Variants in SYTL5 observed in about 807,000 individuals in gnomAD.
SYTL5 encodes the protein synaptotagmin like 5.
Under a neutral mutation model 55.9 loss-of-function variants are expected in SYTL5, and 34 were observed. The observed-to-expected ratio is 0.61, with a 90% CI of 0.46 to 0.81. SYTL5 has a LOEUF of 0.81. Ranked by LOEUF, SYTL5 falls within the 30% of genes least tolerant of loss-of-function variation. SYTL5 has a pLI of 0.00. For missense variants in SYTL5, 637 were observed against 546.7 expected (o/e 1.17, Z -1.65); for synonymous variants, 221 against 188.7 (o/e 1.17, Z -1.40).
upstream of SYTL5, among the ~76,000 whole-genome samples, chrX:38,003,080 A>G (rs1270602192): frequency 2.7e-5 from 3 of 111,796 alleles, no homozygotes; most frequent in South Asian, 1.1e-3. Context: ...TCAGCTTTCT[A>G]CATATGGCTA....
the SYTL5 span, among the ~76,000 whole-genome samples, chrX:37,957,739 T>G: frequency 8.9e-6 from 1 of 112,336 alleles, no homozygotes; most frequent in South Asian, 3.7e-4. Flanking sequence ...AACAAGATTG[T>G]TTTGGCTATT....
chrX:38,041,969 C>T (rs1935299825), intron 2 of SYTL5, among the ~76,000 whole-genome samples: 1 of 110,626 alleles, frequency 9.0e-6, no homozygotes, highest in South Asian at 3.8e-4. Flanking sequence ...TTTCCTTATG[C>T]TAGAAACATT....
chrX:38,113,409 G>A (rs1169285498), intron 13 of SYTL5, among the ~76,000 whole-genome samples: 2 of 111,863 alleles, frequency 1.8e-5, no homozygotes, highest in East Asian at 5.6e-4. Context: ...TAGATTAAAG[G>A]CTCTCTCTTT....
chrX:38,026,076 T>G (rs1602315868), intron 1 of SYTL5, among the ~76,000 whole-genome samples: 1 of 112,518 alleles, frequency 8.9e-6, no homozygotes, highest in Non-Finnish European at 1.9e-5. Context: ...TTTGAGTGAT[T>G]CGTGGCATGA....
At position 38,076,554 on chromosome X, in the gene SYTL5, T is replaced by C. The variant is rs1202695124; in HGVS notation, c.555-13T>C. 5.3e-6 allele frequency: 6 copies of C among 1,132,021 alleles called. No individual in the cohort carries two copies. Among genetic ancestry groups the C allele is most frequent in the African/African-American group, 3.7e-5 (2 of 54,179 alleles). 93.3% of individuals were successfully genotyped at this position (1,132,021 alleles called of 1,213,427 possible). ...TTTCTTATCTAATTTTAAATACATA[T>C]ATATAATTTCAGATTTCTTCTTAGC... is the stretch of plus-strand genomic sequence containing the variant. On this transcript the variant is annotated splice_polypyrimidine_tract_variant and intron_variant, in intron 5 of 16. Transcript: ENST00000297875.
intron 3 of SYTL5, among the ~76,000 whole-genome samples, chrX:38,066,971 G>A (rs1485484493): frequency 2.7e-5 from 3 of 111,523 alleles, no homozygotes; most frequent in Non-Finnish European, 5.7e-5. Context: ...AAAGTGACTA[G>A]CCTATTACTT....
At position 38,032,265 on chromosome X, in the gene SYTL5, C is replaced by T. The variant is rs906083843; in HGVS notation, c.-356-1269C>T. Among the ~76,000 whole-genome samples the T allele has an allele frequency of 5.4e-5, 6 of 111,454 alleles. No individual in the cohort carries two copies. The East Asian group carries it at 8.4e-4, about 16-fold the overall frequency. ...TAAGGGACAGTATCATGGGATGATG[C>T]CCAATCACAAAAATCAGGTAGATTA... On this transcript the variant is annotated intron_variant, in intron 1 of 16. Transcript: ENST00000297875.
At chrX:38,042,560 C>G (rs1274068588) in intron 2 of SYTL5, among the ~76,000 whole-genome samples, 2 of 111,814 alleles carry the variant, frequency 1.8e-5, no homozygotes, top group Non-Finnish European at 3.8e-5. Context: ...TCCCCATATT[C>G]CCATTTTACT....
At chrX:38,014,145 TG>T (rs1440087020) in intron 1 of SYTL5, among the ~76,000 whole-genome samples, 1 of 112,892 alleles carries the variant, frequency 8.9e-6, no homozygotes, top group African/African-American at 3.2e-5. Context: ...GCAGGAGTGC[TG>T]GGCACTGGTA....
intron 6 of SYTL5, among the ~76,000 whole-genome samples, chrX:38,080,621 C>T (rs1936506131): frequency 8.9e-6 from 1 of 111,871 alleles, no homozygotes; most frequent in Admixed American, 9.5e-5. Context: ...AGCACTGCCC[C>T]TCTCTTTTTC....
the SYTL5 span, among the ~76,000 whole-genome samples, chrX:37,986,796 A>T: frequency 8.9e-6 from 1 of 112,021 alleles, no homozygotes; most frequent in Non-Finnish European, 1.9e-5. Context: ...TTATCATTTG[A>T]AGAAGTACAG....
the SYTL5 span, among the ~76,000 whole-genome samples, chrX:37,944,685 G>A: frequency 1.8e-5 from 2 of 112,243 alleles, no homozygotes; most frequent in Non-Finnish European, 3.8e-5. Context: ...GGAGTAGGTA[G>A]AATAATGCCC....
In SYTL5 at chrX:38,034,024, T is replaced by G; in HGVS notation, c.119+16T>G. On this transcript the variant is annotated intron_variant, in intron 2 of 16. Transcript: ENST00000297875. Reference sequence around the variant, plus strand: ...AGAGAATAAGGTAGTATTCTTTTTATTTTTTCAGTCCTCCTTGACTGCTTT... The same window carrying G: ...AGAGAATAAGGTAGTATTCTTTTTAGTTTTTCAGTCCTCCTTGACTGCTTT... 1 of 1,002,518 alleles carries G rather than the reference T, an allele frequency of 1.0e-6. No individual in the cohort carries two copies. The highest frequency in any genetic ancestry group is 1.4e-6 in the Non-Finnish European group (1 of 725,209). 82.6% of individuals were successfully genotyped at this position (1,002,518 alleles called of 1,213,427 possible). A position where few individuals can be genotyped will look rare whatever the true frequency, so the allele number is the denominator to read the frequency against.
chrX:37,895,600 T>C, the SYTL5 span, among the ~76,000 whole-genome samples: 1 of 109,532 alleles, frequency 9.1e-6, no homozygotes, highest in Non-Finnish European at 1.9e-5. Flanking sequence ...CATTTTGAAC[T>C]CTTAAAATTA....
chrX:37,888,930 CAAA>C, the SYTL5 span, among the ~76,000 whole-genome samples: 7 of 54,177 alleles, frequency 1.3e-4, no homozygotes, highest in African/African-American at 1.5e-4. Flanking sequence ...GACTCTGTCT[CAAA>C]AAAAAAAAAA....
chrX:37,931,081 G>A, the SYTL5 span, among the ~76,000 whole-genome samples: 2 of 111,883 alleles, frequency 1.8e-5, no homozygotes, highest in Middle Eastern at 4.6e-3. Flanking sequence ...AAGAATTTAC[G>A]TCATTATTTC....
the SYTL5 span, among the ~76,000 whole-genome samples, chrX:37,900,843 G>GT: frequency 1.8e-5 from 2 of 111,197 alleles, no homozygotes; most frequent in African/African-American, 6.5e-5. Context: ...CTGGGATTTT[G>GT]TTTTTTTGTG....
intron 3 of SYTL5, among the ~76,000 whole-genome samples, chrX:38,065,386 T>A (rs6609339): frequency 0.36 from 39,520 of 111,078 alleles, 6,338 homozygotes; most frequent in East Asian, 0.64. Flanking sequence ...TATTTGGTGA[T>A]AAATTATCTG....
intron 1 of SYTL5, among the ~76,000 whole-genome samples, chrX:38,031,376 C>T (rs7881938): frequency 0.23 from 25,713 of 110,757 alleles, 5,320 homozygotes; most frequent in African/African-American, 0.66. Context: ...CTTGATCTCT[C>T]GTCTTCTCTG....
Sources: gnomAD v4.1 joint callset for allele counts (sites outside exome capture counted in the v4.1 genomes callset) on GRCh38, gnomAD v4.1.1 for gene constraint, MANE v1.5 for transcripts, NCBI Gene and HGNC (gene_info 2026-07-23, HGNC 2026-07-21) for gene names.